The following MSRB3 variants were observed in gnomAD, a reference collection of about 807,000 sequenced individuals.
MSRB3 encodes methionine sulfoxide reductase B3, also known as methionine-R-sulfoxide reductase B3.
Under a neutral mutation model 21.0 loss-of-function variants are expected in MSRB3, and 13 were observed. The observed-to-expected ratio is 0.62, with a 90% confidence interval of 0.40 to 0.98. MSRB3 has a LOEUF of 0.98. Ranked by LOEUF, MSRB3 falls within the 50% of genes least tolerant of loss-of-function variation. The pLI, the probability that MSRB3 is intolerant of heterozygous loss-of-function variation, is 0.00. For synonymous variants in MSRB3, 87 were observed against 88.6 expected, an observed-to-expected ratio of 0.98 and a Z score of 0.10; for missense variants, 199 against 230.3, an observed-to-expected ratio of 0.86 and a Z score of 0.88.
chr12:65,358,841 C>G (rs937399569), intron 4 of MSRB3, among the ~76,000 whole-genome samples: 14 of 151,824 alleles, frequency 9.2e-5, no homozygotes, highest in African/African-American at 3.4e-4. Context: ...ATCACAACTC[C>G]TTACAATGGT....
chr12:65,463,656 C>A lies in MSRB3; in HGVS notation c.*334C>A. 3.0e-6 allele frequency: 1 copy of A among 337,696 alleles called. No homozygotes were observed. The highest frequency in any genetic ancestry group is 5.6e-6 in the Non-Finnish European group (1 of 178,126). 20.9% of individuals were successfully genotyped at this position (337,696 alleles called of 1,614,324 possible). A position where few individuals can be genotyped will look rare whatever the true frequency, so the allele number is the denominator to read the frequency against. On this transcript the variant is annotated 3_prime_UTR_variant, in exon 7 of 7. Transcript: ENST00000308259. The stretch of plus-strand genomic sequence containing the variant: ...TCAGAAGCAGAGGGTTCATGGTCTT[C>A]AAACATGAAAATAGAGATCTCCTCT...
chr12:65,428,886 T>C (rs1023556904), intron 5 of MSRB3, among the ~76,000 whole-genome samples: 2 of 152,136 alleles, frequency 1.3e-5, no homozygotes, highest in Non-Finnish European at 2.9e-5. Flanking sequence ...TGGAATATCC[T>C]TTTTTTCCCC....
At position 65,278,804 on chromosome 12, in the gene MSRB3, GCTCTGCCTCTCC is replaced by G. The variant is rs762162721; in HGVS notation, c.-102_-91del. 2.5e-5 allele frequency: 39 copies of G among 1,570,944 alleles called. No individual in the cohort carries two copies. The East Asian group carries it at 3.5e-4, about 14-fold the overall frequency. On this transcript the variant is annotated 5_prime_UTR_variant, in exon 1 of 7. Transcript: ENST00000308259. ...GGCGGACCCTCCCGCGCCCCCTCTC[GCTCTGCCTCTCC>G]CTCTGCCTCTGCCTCTGCCTGGCCG... is the stretch of plus-strand genomic sequence containing the variant.
intron 4 of MSRB3, among the ~76,000 whole-genome samples, chr12:65,337,798 A>G (rs1875882240): frequency 6.6e-6 from 1 of 152,192 alleles, no homozygotes; most frequent in Non-Finnish European, 1.5e-5. Flanking sequence ...ATCTCATCCA[A>G]AATATTTCTG....
chr12:65,377,863 C>G (rs1296297286), intron 5 of MSRB3, among the ~76,000 whole-genome samples: 1 of 152,084 alleles, frequency 6.6e-6, no homozygotes, highest in African/African-American at 2.4e-5. Flanking sequence ...GATTAAGTAG[C>G]CAATATGCTT....
chr12:65,287,496 A>G (rs1195364077), intron 1 of MSRB3, among the ~76,000 whole-genome samples: 1 of 152,160 alleles, frequency 6.6e-6, no homozygotes, highest in Non-Finnish European at 1.5e-5. Flanking sequence ...AGAGAGAACT[A>G]TAGGGCCTAT....
intron 4 of MSRB3, among the ~76,000 whole-genome samples, chr12:65,355,383 G>C (rs1308381578): frequency 2.0e-5 from 3 of 151,814 alleles, no homozygotes; most frequent in Non-Finnish European, 4.4e-5. Flanking sequence ...ACAAAAGAGA[G>C]TCCATTAAGG....
chr12:65,392,087 A>T (rs9668058), intron 5 of MSRB3, among the ~76,000 whole-genome samples: 101,282 of 151,986 alleles, frequency 0.67, 33,929 homozygotes, highest in Admixed American at 0.73. Context: ...TTTAGAACAG[A>T]TTTTCTGAAT....
intron 4 of MSRB3, among the ~76,000 whole-genome samples, chr12:65,347,376 G>C (rs976606642): frequency 1.3e-5 from 2 of 152,036 alleles, no homozygotes; most frequent in Non-Finnish European, 2.9e-5. Flanking sequence ...TCATGATTTG[G>C]CTCTCTGTTT....
intron 4 of MSRB3, among the ~76,000 whole-genome samples, chr12:65,330,811 A>C (rs1319683685): frequency 6.6e-6 from 1 of 152,206 alleles, no homozygotes; most frequent in Non-Finnish European, 1.5e-5. Context: ...GGCACAGCAC[A>C]GTCCACCTCC....
intron 5 of MSRB3, among the ~76,000 whole-genome samples, chr12:65,421,734 T>C (rs1006042493): frequency 1.3e-5 from 2 of 152,168 alleles, no homozygotes; most frequent in Non-Finnish European, 2.9e-5. Context: ...AAAGGAGCAC[T>C]AAATATGGAA....
At chr12:65,282,763 A>G (rs375859061) in intron 1 of MSRB3, among the ~76,000 whole-genome samples, 10 of 149,398 alleles carry the variant, frequency 6.7e-5, no homozygotes, top group East Asian at 5.9e-4. Flanking sequence ...AGGAGGGACT[A>G]TATTATTGAG....
chr12:65,396,761 G>A (rs1463831791), intron 5 of MSRB3, among the ~76,000 whole-genome samples: 3 of 141,028 alleles, frequency 2.1e-5, no homozygotes, highest in African/African-American at 8.6e-5. Flanking sequence ...AGAAAACCCA[G>A]CAAAGATATG....
intron 1 of MSRB3, among the ~76,000 whole-genome samples, chr12:65,282,454 C>T (rs768966820): frequency 1.3e-5 from 2 of 152,066 alleles, no homozygotes; most frequent in African/African-American, 2.4e-5. Flanking sequence ...ACAAACGCAT[C>T]GAACAATTGA....
intron 5 of MSRB3, among the ~76,000 whole-genome samples, chr12:65,440,686 C>T (rs953886912): frequency 2.0e-5 from 3 of 151,876 alleles, no homozygotes; most frequent in African/African-American, 7.3e-5. Context: ...TAGGTGCCCA[C>T]AGTATACTAC....
intron 5 of MSRB3, among the ~76,000 whole-genome samples, chr12:65,378,507 T>C (rs1463711676): frequency 6.6e-6 from 1 of 152,220 alleles, no homozygotes; most frequent in East Asian, 1.9e-4. Context: ...AGCCCAACTA[T>C]GCAAGCACAT....
chr12:65,335,752 G>A (rs923350291), intron 4 of MSRB3, among the ~76,000 whole-genome samples: 1 of 152,068 alleles, frequency 6.6e-6, no homozygotes, highest in African/African-American at 2.4e-5. Context: ...CAGTCACTGT[G>A]GAATTCTGTT....
chr12:65,312,959 C>T (rs1474227874), intron 2 of MSRB3, among the ~76,000 whole-genome samples: 1 of 152,042 alleles, frequency 6.6e-6, no homozygotes, highest in East Asian at 1.9e-4. Flanking sequence ...TATTGTCTGA[C>T]AATTTTTTCT....
intron 5 of MSRB3, among the ~76,000 whole-genome samples, chr12:65,436,685 A>G (rs1882133204): frequency 6.6e-6 from 1 of 151,924 alleles, no homozygotes; most frequent in South Asian, 2.1e-4. Flanking sequence ...AAAATCATTA[A>G]TCATCTGGTA....
Sources: gnomAD v4.1 joint callset for allele counts (sites outside exome capture counted in the v4.1 genomes callset) on GRCh38, gnomAD v4.1.1 for gene constraint, MANE v1.5 for transcripts, NCBI Gene and HGNC (gene_info 2026-07-23, HGNC 2026-07-21) for gene names.